Variants in ST6GALNAC3 observed in about 807,000 individuals in gnomAD.
ST6GALNAC3 encodes the protein alpha-N-acetylgalactosaminide alpha-2,6-sialyltransferase 3.
Under a neutral mutation model 32.7 loss-of-function variants are expected in ST6GALNAC3, and 25 were observed. The ratio of observed to expected loss-of-function variants is 0.76; its 90% confidence interval spans 0.56 to 1.07. The LOEUF is 1.07. ST6GALNAC3 is among the 50% of genes least tolerant of loss of function. The pLI, the probability that ST6GALNAC3 is intolerant of heterozygous loss-of-function variation, is 0.00. For synonymous variants in ST6GALNAC3, 129 were observed against 133.1 expected (o/e 0.97, Z 0.21); for missense variants, 355 against 382.4 (o/e 0.93, Z 0.60).
chr1:76,127,748 G>A (rs1649346463), intron 1 of ST6GALNAC3, among the ~76,000 whole-genome samples: 1 of 152,120 alleles, frequency 6.6e-6, no homozygotes, highest in South Asian at 2.1e-4. Context: ...TAAAAGGGCT[G>A]ACTGCCCACC....
At position 76,618,379 on chromosome 1, in the gene ST6GALNAC3, T is replaced by A. The variant is rs1429562394; in HGVS notation, c.624-9073T>A. ...TGTCCTCGGGCAAGTACTTTATACC[T>A]TTCTGAGCCTTCATCTGTGTAATAT... On this transcript the variant is annotated intron_variant, in intron 3 of 4. Transcript: ENST00000328299. Among the ~76,000 whole-genome samples the A allele has an allele frequency of 2.6e-5, 4 of 152,276 alleles. No individual in the cohort carries two copies. In the East Asian group the frequency reaches 7.7e-4, roughly 29 times the overall value.
intron 3 of ST6GALNAC3, among the ~76,000 whole-genome samples, chr1:76,622,196 G>A (rs1480454435): frequency 2.0e-5 from 3 of 151,974 alleles, no homozygotes; most frequent in African/African-American, 7.2e-5. Flanking sequence ...TTTCATGAAA[G>A]GAGTTAACCA....
At chr1:76,426,804 C>T (rs965109086) in intron 3 of ST6GALNAC3, among the ~76,000 whole-genome samples, 6 of 151,860 alleles carry the variant, frequency 4.0e-5, no homozygotes, top group African/African-American at 1.4e-4. Context: ...GATGCTATGA[C>T]AGTTACGACA....
intron 3 of ST6GALNAC3, among the ~76,000 whole-genome samples, chr1:76,458,892 A>C (rs1163714478): frequency 6.6e-6 from 1 of 152,090 alleles, no homozygotes; most frequent in Non-Finnish European, 1.5e-5. Flanking sequence ...AACAATAATA[A>C]ATTTAAAAAA....
intron 1 of ST6GALNAC3, among the ~76,000 whole-genome samples, chr1:76,197,194 G>T (rs1340327446): frequency 6.6e-6 from 1 of 152,192 alleles, no homozygotes. Flanking sequence ...ATGTAGACTA[G>T]TTGTTAAGAT....
At chr1:76,314,093 T>C in intron 2 of ST6GALNAC3, 94 bp downstream of exon 2, 1 of 1,248,510 alleles carries the variant, frequency 8.0e-7, no homozygotes, top group Non-Finnish European at 1.1e-6. Flanking sequence ...CTGAACTTAC[T>C]CTGTCTGCCC....
intron 2 of ST6GALNAC3, among the ~76,000 whole-genome samples, chr1:76,389,111 A>C (rs1652337062): frequency 6.6e-6 from 1 of 150,822 alleles, no homozygotes; most frequent in Admixed American, 6.7e-5. Context: ...AAGGGACTAA[A>C]GGGGAGGATT....
chr1:76,269,288 C>G (rs1658707846), intron 1 of ST6GALNAC3, among the ~76,000 whole-genome samples: 1 of 152,170 alleles, frequency 6.6e-6, no homozygotes, highest in Non-Finnish European at 1.5e-5. Flanking sequence ...GTATAAATAA[C>G]CTTCCATATG....
intron 3 of ST6GALNAC3, among the ~76,000 whole-genome samples, chr1:76,620,956 G>A (rs905317062): frequency 2.0e-5 from 3 of 152,004 alleles, no homozygotes; most frequent in Admixed American, 6.6e-5. Flanking sequence ...AAAGCCTAAG[G>A]ACATGAAGAA....
intron 3 of ST6GALNAC3, among the ~76,000 whole-genome samples, chr1:76,479,236 G>A (rs1026871184): frequency 3.3e-5 from 5 of 152,072 alleles, no homozygotes; most frequent in African/African-American, 9.7e-5. Context: ...GAGGGTCATT[G>A]GAATATGGAA....
intron 3 of ST6GALNAC3, among the ~76,000 whole-genome samples, chr1:76,468,897 G>C (rs1026254666): frequency 4.0e-5 from 6 of 151,852 alleles, no homozygotes; most frequent in Non-Finnish European, 7.4e-5. Flanking sequence ...AAGGAAGGAG[G>C]GAAAGAGAAA....
intron 3 of ST6GALNAC3, among the ~76,000 whole-genome samples, chr1:76,495,477 A>G (rs2101708234): frequency 6.6e-6 from 1 of 152,150 alleles, no homozygotes; most frequent in South Asian, 2.1e-4. Flanking sequence ...CAATCCCTAA[A>G]TTTTCTAGTT....
intron 3 of ST6GALNAC3, among the ~76,000 whole-genome samples, chr1:76,502,605 T>C (rs1661238901): frequency 6.6e-6 from 1 of 152,178 alleles, no homozygotes. Context: ...GAGACAGCAG[T>C]CAGATTGGAT....
chr1:76,104,184 G>A (rs1647366006), intron 1 of ST6GALNAC3, among the ~76,000 whole-genome samples: 1 of 152,034 alleles, frequency 6.6e-6, no homozygotes, highest in South Asian at 2.1e-4. Context: ...CTCCTTATGT[G>A]CTTGGTTATT....
At chr1:76,606,958 C>T (rs1406404150) in intron 3 of ST6GALNAC3, among the ~76,000 whole-genome samples, 1 of 151,440 alleles carries the variant, frequency 6.6e-6, no homozygotes, top group Non-Finnish European at 1.5e-5. Context: ...TAGCATAGAC[C>T]ACACAGGTAA....
chr1:76,518,855 A>G (rs1662335788), intron 3 of ST6GALNAC3, among the ~76,000 whole-genome samples: 1 of 152,126 alleles, frequency 6.6e-6, no homozygotes, highest in Non-Finnish European at 1.5e-5. Context: ...ACTGGAGGTC[A>G]GAAGTTCAAG....
intron 3 of ST6GALNAC3, chr1:76,576,946 GAAAC>G (rs369535163): frequency 8.2e-5 from 104 of 1,271,380 alleles, no homozygotes; most frequent in South Asian, 4.7e-4. Flanking sequence ...AAGAAAGAAA[GAAAC>G]AAACAAACAA....
intron 3 of ST6GALNAC3, among the ~76,000 whole-genome samples, chr1:76,487,894 A>T (rs1192223174): frequency 1.3e-5 from 2 of 151,988 alleles, no homozygotes; most frequent in African/African-American, 4.8e-5. Context: ...TGATGTACAG[A>T]TGGGGTTTTG....
chr1:76,123,321 C>T (rs1017871966), intron 1 of ST6GALNAC3, among the ~76,000 whole-genome samples: 1 of 148,754 alleles, frequency 6.7e-6, no homozygotes, highest in African/African-American at 2.5e-5. Context: ...AGAGGTTGCA[C>T]TGAGCCGAGA....
Sources: allele counts gnomAD v4.1 joint callset (sites outside exome capture counted in the v4.1 genomes callset), GRCh38; gene constraint gnomAD v4.1.1; transcripts MANE v1.5; gene names NCBI Gene and HGNC (gene_info 2026-07-23, HGNC 2026-07-21).